SIGLEC11: variants seen among roughly 807,000 people sequenced by gnomAD.
SIGLEC11 encodes the protein sialic acid binding Ig like lectin 11, also known as sialic acid-binding Ig-like lectin 11.
SIGLEC11 carries 47 observed loss-of-function variants against 61.2 expected under a neutral mutation model. The ratio of observed to expected loss-of-function variants is 0.77; its 90% CI spans 0.61 to 0.98. The LOEUF is 0.98. SIGLEC11 is among the 50% of genes least tolerant of loss of function. SIGLEC11 has a pLI of 0.00. For missense variants in SIGLEC11, 610 were observed against 870.3 expected (o/e 0.70, Z 3.76); for synonymous variants, 278 against 373.1 (o/e 0.75, Z 2.94).
intron 8 of SIGLEC11, 83 bp downstream of exon 8, chr19:49,958,200 C>G: frequency 6.3e-7 from 1 of 1,578,014 alleles, no homozygotes; most frequent in Non-Finnish European, 8.6e-7. Context: ...CGCCCACACC[C>G]TCTCCCCACA....
In SIGLEC11 at chr19:49,955,656, C is replaced by T. The variant is rs1246291015; in HGVS notation, c.1651+2627G>A. ...CTCATAAAAAGAAAAATTAGCAGGC[C>T]GGGCATGGCGGCTCACACCTGTAAT... is the stretch of plus-strand genomic sequence containing the variant. On this transcript the variant is annotated intron_variant, in intron 8 of 10. Coordinates refer to ENST00000447370, the MANE Select transcript of SIGLEC11 (RefSeq NM_052884.3). This position sits in a 1 kb window ranked among gnomAD's most constrained non-coding sequence, Gnocchi z 4.5. Among the ~76,000 whole-genome samples, 4 of 152,124 alleles carry T rather than the reference C, an allele frequency of 2.6e-5. No individual in the cohort carries two copies. Among genetic ancestry groups the T allele is most frequent in the Non-Finnish European group, 2.9e-5 (2 of 68,034 alleles).
chr19:49,961,165 G>A lies in SIGLEC11; in HGVS notation c.-84C>T, dbSNP rs1334617444. On this transcript the variant is annotated 5_prime_UTR_variant, in exon 1 of 11. Transcript: ENST00000447370. ...GGGGCAGTGACCATCCACAGAGGAGGAGCCTCGGGAACCGCTATGTCCTGA... is the reference window on the plus strand; with the variant it reads ...GGGGCAGTGACCATCCACAGAGGAGAAGCCTCGGGAACCGCTATGTCCTGA... 11 of 1,512,668 alleles carry A rather than the reference G, an allele frequency of 7.3e-6. No individual in the cohort carries two copies. The highest frequency in any genetic ancestry group is 8.8e-6 in the Non-Finnish European group (10 of 1,138,638). The allele number at this position is 1,512,668 out of a possible 1,614,324, so 93.7% of individuals were successfully genotyped here. A position where few individuals can be genotyped will look rare whatever the true frequency, so the allele number is the denominator to read the frequency against.
intron 8 of SIGLEC11, among the ~76,000 whole-genome samples, chr19:49,957,025 A>T (rs934683842): frequency 1.3e-5 from 2 of 152,226 alleles, no homozygotes; most frequent in Admixed American, 1.3e-4. Flanking sequence ...TGGTCTCCAG[A>T]TTCTCTCTTT....
In SIGLEC11 at chr19:49,951,951, T is replaced by C. The variant is rs1314830794; in HGVS notation, c.1770A>G (p.Glu590=). The part of the protein sequence containing the change: ...VVFRVKICRK[E]ARKRAAAEQD... Reference sequence around the variant, plus strand: ...GCTCAGCTGCTGCCCTCTTGCGAGCTTCCTTCCTGCAGATCTTCACCCTGA... The same window carrying C: ...GCTCAGCTGCTGCCCTCTTGCGAGCCTCCTTCCTGCAGATCTTCACCCTGA... The change falls in exon 10 of 11, where the codon GAA becomes GAG. Residue 590 remains glutamate, a synonymous_variant. Transcript: ENST00000447370. The surrounding 1 kb of genome is among the most constrained non-coding windows in gnomAD (Gnocchi z 4.6). The C allele has an allele frequency of 1.9e-6, 3 of 1,610,784 alleles. No homozygotes were observed. In the South Asian group the frequency reaches 3.3e-5, roughly 18 times the overall value.
chr19:49,958,684 G>C lies in SIGLEC11; in HGVS notation c.1322C>G (p.Pro441Arg), dbSNP rs763314421. 7.5e-6 allele frequency: 12 copies of C among 1,609,606 alleles called. No homozygotes were observed. The African/African-American group carries it at 1.5e-4, about 20-fold the overall frequency. Residue 441 changes from proline (P) to arginine (R), a missense_variant, in exon 7 of 11, where the codon CCT becomes CGT. Pro to Arg is a moderately radical substitution (Grantham distance 103). Around this residue, in one of 6 missense-constraint regions of SIGLEC11, gnomAD observed 432 missense variants for 441.5 expected, o/e 0.98. Transcript: ENST00000447370. ...EGEFTCHAQHPLGSQHVSLSL... is the reference protein window; with the variant it reads ...EGEFTCHAQHRLGSQHVSLSL... Reference sequence around the variant, plus strand: ...GAGAGAGACGTGCTGGGAGCCCAGAGGGTGCTGAGCGTGGCAGGTGAACTC... The same window carrying C: ...GAGAGAGACGTGCTGGGAGCCCAGACGGTGCTGAGCGTGGCAGGTGAACTC...
At chr19:49,954,279 A>C (rs934983453) in intron 8 of SIGLEC11, among the ~76,000 whole-genome samples, 1 of 152,140 alleles carries the variant, frequency 6.6e-6, no homozygotes, top group Non-Finnish European at 1.5e-5. Flanking sequence ...CCTCCTCCAT[A>C]TGTCCCAGCC....
At chr19:49,959,972 G>T in intron 3 of SIGLEC11, 152 bp from the exon 4 acceptor site, 1 of 741,486 alleles carries the variant, frequency 1.3e-6, no homozygotes. Flanking sequence ...AGGATCAGAC[G>T]CCATTCCCAT....
chr19:49,950,294 GGAGGATGCACAA>G, intron 10 of SIGLEC11, 58 bp from the exon 11 acceptor site: 2 of 1,412,990 alleles, frequency 1.4e-6, no homozygotes, highest in Non-Finnish European at 1.9e-6. Flanking sequence ...GCGAGAGCAA[GGAGGATGCACAA>G]GAGGATCTGG....
chr19:49,951,609 G>T lies in SIGLEC11; in HGVS notation c.1830+282C>A, dbSNP rs73932018. 1.4e-3 allele frequency among the ~76,000 whole-genome samples: 220 copies of T among 152,228 alleles called. No individual in the cohort carries two copies. Among genetic ancestry groups the T allele is most frequent in the African/African-American group, 5.0e-3 (208 of 41,540 alleles). ...ATAGGAGGGAGGGCAAAGGAGTCGG[G>T]GATGCAGGAGGAAATGAGGAGTGGG... On this transcript the variant is annotated intron_variant, in intron 10 of 10. Coordinates refer to ENST00000447370, the MANE Select transcript of SIGLEC11 (RefSeq NM_052884.3). This position sits in a 1 kb window ranked among gnomAD's most constrained non-coding sequence, Gnocchi z 4.6.
rs1263815129 is a variant in SIGLEC11, at chr19:49,959,275, C to A, written c.1057+85G>T. 16 of 1,569,802 alleles carry A rather than the reference C, an allele frequency of 1.0e-5. No individual in the cohort carries two copies. The East Asian group carries it at 2.5e-4, about 24-fold the overall frequency. ...AGTCCCCGAGGCCTGGGGTTCAAGA[C>A]CCCCTCAGCTCTGGGACCCTGAGCC... On this transcript the variant is annotated intron_variant, in intron 5 of 10. Coordinates refer to ENST00000447370, the MANE Select transcript of SIGLEC11 (RefSeq NM_052884.3).
Position 49,959,409 on chromosome 19 carries a change from C to T in SIGLEC11, c.1008G>A (p.Ala336=), listed in dbSNP as rs750459116. 3.1e-5 allele frequency: 50 copies of T among 1,597,528 alleles called. 1 individual carries two copies. In the Middle Eastern group the frequency reaches 5.8e-4, roughly 18 times the overall value. Residue 336 remains alanine, a synonymous_variant, in exon 5 of 11, where the codon GCG becomes GCA. Coordinates refer to ENST00000447370, the MANE Select transcript of SIGLEC11 (RefSeq NM_052884.3). Reference sequence around the variant, plus strand: ...GCTGCTGGGAGCCAAGCCTGTTCTCCGCTCGGCAGGTGTAGCGCCCTGAAT... The same window carrying T: ...GCTGCTGGGAGCCAAGCCTGTTCTCTGCTCGGCAGGTGTAGCGCCCTGAAT... ...AGDSGRYTCR[A]ENRLGSQQQA...
In SIGLEC11 at chr19:49,950,164, C is replaced by T. The variant is rs1360851280; in HGVS notation, c.1903G>A (p.Gly635Arg). Residue 635 changes from glycine to arginine, a missense_variant, in exon 11 of 11, where the codon GGG (glycine) becomes AGG (arginine). Physicochemically the swap from Gly to Arg is moderately radical, Grantham distance 125. Around this residue, in one of 6 missense-constraint regions of SIGLEC11, gnomAD observed 432 missense variants for 441.5 expected, o/e 0.98. Coordinates refer to ENST00000447370, the MANE Select transcript of SIGLEC11 (RefSeq NM_052884.3). ...TGGAGCTCCTGCTCTTCCCCCTTCCCCGGGGTGTAGGTGGCTGCACCTGGG... is the reference window on the plus strand; with the variant it reads ...TGGAGCTCCTGCTCTTCCCCCTTCCTCGGGGTGTAGGTGGCTGCACCTGGG... ...PPPGAATYTP[G>R]KGEEQELHYA... The T allele has an allele frequency of 3.1e-5, 50 of 1,610,686 alleles. No homozygotes were observed. The highest frequency in any genetic ancestry group is 4.2e-5 in the Non-Finnish European group (49 of 1,179,418).
At position 49,951,747 on chromosome 19, in the gene SIGLEC11, G is replaced by A. The variant is rs993291298; in HGVS notation, c.1830+144C>T. On this transcript the variant is annotated intron_variant, in intron 10 of 10. Transcript: ENST00000447370. This position sits in a 1 kb window ranked among gnomAD's most constrained non-coding sequence, Gnocchi z 4.6. ...TGGGGAGGGTGCCTCCCAGATCATG[G>A]GACTTGGGACTGCATTGATGGGGAC... The A allele has an allele frequency of 1.6e-6, 1 of 636,318 alleles. No individual in the cohort carries two copies. Among genetic ancestry groups the A allele is most frequent in the Non-Finnish European group, 2.5e-6 (1 of 396,964 alleles). The allele number at this position is 636,318 out of a possible 1,614,324, so 39.4% of individuals were successfully genotyped here. A position where few individuals can be genotyped will look rare whatever the true frequency, so the allele number is the denominator to read the frequency against.
chr19:49,950,000 C>A lies in SIGLEC11; in HGVS notation c.2067G>T (p.Glu689Asp). 6.6e-7 allele frequency: 1 copy of A among 1,510,288 alleles called. No homozygotes were observed. The highest frequency in any genetic ancestry group is 8.9e-7 in the Non-Finnish European group (1 of 1,126,008). The allele number at this position is 1,510,288 out of a possible 1,614,324, so 93.6% of individuals were successfully genotyped here. Reference sequence around the variant, plus strand: ...TTGGAACCATCCCTGACATCTCCCTCTCCAATTGAAGCCCAAAGCCTGGGC... The same window carrying A: ...TTGGAACCATCCCTGACATCTCCCTATCCAATTGAAGCCCAAAGCCTGGGC... ...LRGPGFGLQL[E>D]REMSGMVPK The change falls in exon 11 of 11, where the codon GAG becomes GAT. Residue 689 changes from glutamate to aspartate, a missense_variant. Physicochemically the swap from Glu to Asp is conservative, Grantham distance 45. Coordinates refer to ENST00000447370, the MANE Select transcript of SIGLEC11 (RefSeq NM_052884.3).
At chr19:49,954,129 A>G (rs557259218) in intron 8 of SIGLEC11, among the ~76,000 whole-genome samples, 3 of 152,304 alleles carry the variant, frequency 2.0e-5, no homozygotes, top group Non-Finnish European at 4.4e-5. Flanking sequence ...CCTGTTTAGC[A>G]GCTTATTGCA....
chr19:49,959,339 G>T (rs925373495), intron 5 of SIGLEC11, 21 bp downstream of exon 5: 6 of 1,601,820 alleles, frequency 3.7e-6, no homozygotes, highest in East Asian at 2.2e-5. Flanking sequence ...TGGACTCCAG[G>T]CCCCTGCTAG....
rs372784588 is a variant in SIGLEC11, at chr19:49,958,928, T to C, written c.1106-28A>G. Reference sequence around the variant, plus strand: ...AGGGAAGGAAGAGGCAGAATCGACGTGCAGCTCAGGGCTCAGGGACCCTCC... The same window carrying C: ...AGGGAAGGAAGAGGCAGAATCGACGCGCAGCTCAGGGCTCAGGGACCCTCC... On this transcript the variant is annotated intron_variant, in intron 6 of 10. Coordinates refer to ENST00000447370, the MANE Select transcript of SIGLEC11 (RefSeq NM_052884.3). 6.2e-6 allele frequency: 10 copies of C among 1,606,156 alleles called. No individual in the cohort carries two copies. The African/African-American group carries it at 9.4e-5, about 15-fold the overall frequency.
In SIGLEC11 at chr19:49,960,728, A is replaced by G. The variant is rs568916513; in HGVS notation, c.284T>C (p.Val95Ala). ...PVATNNQSRE[V>A]EMSTRDRFQL... ...GAATCGGTCCCGGGTGCTCATTTCC[A>G]CCTCTCGACTCTGGTTGTTAGTGGC... The change falls in exon 2 of 11, where the codon GTG (valine) becomes GCG (alanine). Residue 95 changes from valine to alanine, a missense_variant. Around this residue, in one of 6 missense-constraint regions of SIGLEC11, gnomAD observed 99 missense variants for 131.6 expected, o/e 0.75. Transcript: ENST00000447370. 272 of 1,612,004 alleles carry G rather than the reference A, an allele frequency of 1.7e-4. No homozygotes were observed. The highest frequency in any genetic ancestry group is 2.5e-4 in the Admixed American group (15 of 59,862).
At chr19:49,956,182 C>T (rs2076194737) in intron 8 of SIGLEC11, among the ~76,000 whole-genome samples, 1 of 152,198 alleles carries the variant, frequency 6.6e-6, no homozygotes, top group African/African-American at 2.4e-5. Flanking sequence ...CGAACCGACG[C>T]CCACAAGTTC....
Sources: gnomAD v4.1 joint callset for allele counts (sites outside exome capture counted in the v4.1 genomes callset) on GRCh38, gnomAD v4.1.1 for gene constraint, gnomAD v4.1.1 regional missense constraint, Gnocchi (gnomAD v3.1) non-coding constraint, MANE v1.5 for transcripts, NCBI Gene and HGNC (gene_info 2026-07-23, HGNC 2026-07-21) for gene names.